DIAPH2: variants seen among roughly 807,000 people sequenced by gnomAD.
DIAPH2 encodes the protein protein diaphanous homolog 2.
In DIAPH2, 35 loss-of-function variants were observed where a neutral mutation model predicts 92.7. The ratio of observed to expected loss-of-function variants is 0.38; its 90% CI spans 0.29 to 0.50. The LOEUF (loss-of-function observed/expected upper bound fraction) is 0.50, where lower values mean the gene tolerates loss of function less well. Ranked by LOEUF, DIAPH2 falls within the 20% of genes least tolerant of loss-of-function variation. The pLI is 0.94. For synonymous variants in DIAPH2, 301 were observed against 280.4 expected, an observed-to-expected ratio of 1.07 and a Z score of -0.73; for missense variants, 701 against 819.5, an observed-to-expected ratio of 0.86 and a Z score of 1.77.
At chrX:96,770,954 T>C (rs750498081) in intron 4 of DIAPH2, among the ~76,000 whole-genome samples, 2 of 111,951 alleles carry the variant, frequency 1.8e-5, no homozygotes, top group East Asian at 5.6e-4. Context: ...TTATTTTGGA[T>C]AGGGGTATCT....
At chrX:97,252,716 G>GTGTTTTGTTTTGTTTTGTTTTGTTT (rs57036021) in intron 23 of DIAPH2, among the ~76,000 whole-genome samples, 40 of 104,294 alleles carry the variant, frequency 3.8e-4, no homozygotes, top group African/African-American at 1.3e-3. Flanking sequence ...CAAAGCTGTT[G>GTGTTTTGTTTTGTTTTGTTTTGTTT]TGTTTTGTTT....
intron 20 of DIAPH2, among the ~76,000 whole-genome samples, chrX:97,110,387 T>G (rs2066970938): frequency 9.0e-6 from 1 of 111,711 alleles, no homozygotes; most frequent in Non-Finnish European, 1.9e-5. Context: ...ACTCAACATG[T>G]CAATAAAGCA....
intron 18 of DIAPH2, among the ~76,000 whole-genome samples, 191 bp downstream of exon 18, chrX:97,073,233 A>G (rs1173358999): frequency 8.9e-6 from 1 of 111,975 alleles, no homozygotes; most frequent in Non-Finnish European, 1.9e-5. Flanking sequence ...TTCTAATTCA[A>G]CCTCTGTCAG....
intron 25 of DIAPH2, among the ~76,000 whole-genome samples, chrX:97,415,690 T>TG (rs1459759012): frequency 4.6e-5 from 1 of 21,541 alleles, no homozygotes; most frequent in Non-Finnish European, 8.3e-5. Context: ...ACATCACACA[T>TG]GGGGGCGTGT....
chrX:96,791,908 C>G (rs1438672758), intron 4 of DIAPH2, among the ~76,000 whole-genome samples: 2 of 110,878 alleles, frequency 1.8e-5, no homozygotes, highest in African/African-American at 6.6e-5. Flanking sequence ...CTAACTTACC[C>G]AGGGTTAGTT....
At chrX:97,101,717 A>C (rs1181680712) in intron 20 of DIAPH2, among the ~76,000 whole-genome samples, 7 of 112,330 alleles carry the variant, frequency 6.2e-5, no homozygotes, top group Non-Finnish European at 1.3e-4. Flanking sequence ...ATAGACAGTA[A>C]ATAAATGTTT....
intron 17 of DIAPH2, among the ~76,000 whole-genome samples, chrX:97,007,761 CTTTTTT>C (rs1202951643): frequency 6.2e-5 from 5 of 80,997 alleles, no homozygotes; most frequent in Non-Finnish European, 7.1e-5. Context: ...TTCTTTTTTT[CTTTTTT>C]TTTTTTTTTT....
chrX:97,222,104 C>T (rs961397531), intron 22 of DIAPH2, among the ~76,000 whole-genome samples: 8 of 111,190 alleles, frequency 7.2e-5, no homozygotes, highest in African/African-American at 2.6e-4. Context: ...TGAGATGCAT[C>T]TCTACCACAT....
chrX:96,751,647 G>GTTTTTTTTTTTTTT (rs1332024432), intron 3 of DIAPH2, among the ~76,000 whole-genome samples: 3 of 85,016 alleles, frequency 3.5e-5, no homozygotes, highest in Admixed American at 1.4e-4. Flanking sequence ...AGACTTCAGT[G>GTTTTTTTTTTTTTT]TTTTGTTTTT....
chrX:97,298,376 A>G (rs1439599009), intron 23 of DIAPH2, among the ~76,000 whole-genome samples: 4 of 107,739 alleles, frequency 3.7e-5, no homozygotes, highest in African/African-American at 1.4e-4. Context: ...ATGGAAGTGA[A>G]TCTACTCTAT....
At chrX:97,231,680 G>A (rs990960611) in intron 22 of DIAPH2, among the ~76,000 whole-genome samples, 1 of 110,885 alleles carries the variant, frequency 9.0e-6, no homozygotes, top group African/African-American at 3.3e-5. Flanking sequence ...CATGATGTTT[G>A]TGTGCACATC....
At chrX:97,004,663 A>G (rs988933190) in intron 17 of DIAPH2, among the ~76,000 whole-genome samples, 2 of 112,021 alleles carry the variant, frequency 1.8e-5, no homozygotes, top group African/African-American at 6.5e-5. Context: ...TGTGTCCTGC[A>G]ACTTTACTGA....
chrX:97,032,388 A>C (rs1234639491), intron 17 of DIAPH2, among the ~76,000 whole-genome samples: 2 of 111,478 alleles, frequency 1.8e-5, no homozygotes, highest in East Asian at 5.6e-4. Flanking sequence ...GATAAGGGCT[A>C]TTATTTTACA....
intron 26 of DIAPH2, among the ~76,000 whole-genome samples, chrX:97,476,966 A>ATATAT (rs1429567227): frequency 1.6e-3 from 56 of 34,404 alleles, no homozygotes; most frequent in Non-Finnish European, 2.5e-3. Context: ...AAAAAAAAAA[A>ATATAT]AAATATATAT....
intron 3 of DIAPH2, 49 bp from the exon 4 acceptor site, chrX:96,758,105 T>C (rs754218160): frequency 2.4e-5 from 25 of 1,042,327 alleles, no homozygotes; most frequent in Non-Finnish European, 3.2e-5. Flanking sequence ...CTTTTGAAGC[T>C]CTTAAGTGGA....
At position 97,182,529 on chromosome X, in the gene DIAPH2, A is replaced by C. The variant is rs535292814; in HGVS notation, c.2719+40735A>C. 7.9e-4 allele frequency among the ~76,000 whole-genome samples: 88 copies of C among 111,612 alleles called. 1 individual carries two copies. The highest frequency in any genetic ancestry group is 2.8e-3 in the African/African-American group (85 of 30,723). Reference sequence around the variant, plus strand: ...ATATGAATAAAATGGATAGAGTAAAAATTGAAGGTGGACCCCACTTATTAT... The same window carrying C: ...ATATGAATAAAATGGATAGAGTAAACATTGAAGGTGGACCCCACTTATTAT... On this transcript the variant is annotated intron_variant, in intron 22 of 26. Coordinates refer to ENST00000324765, the MANE Select transcript of DIAPH2 (RefSeq NM_006729.5).
intron 17 of DIAPH2, among the ~76,000 whole-genome samples, chrX:97,067,707 T>C (rs2066643120): frequency 8.9e-6 from 1 of 112,122 alleles, no homozygotes; most frequent in Non-Finnish European, 1.9e-5. Flanking sequence ...TTATACTGCA[T>C]GTACCATTTT....
intron 26 of DIAPH2, among the ~76,000 whole-genome samples, chrX:97,548,791 A>G (rs2147861731): frequency 8.9e-6 from 1 of 112,599 alleles, no homozygotes; most frequent in African/African-American, 3.2e-5. Flanking sequence ...TAATTGACCA[A>G]TATTACTTTA....
At chrX:97,300,931 T>A (rs1173757734) in intron 23 of DIAPH2, among the ~76,000 whole-genome samples, 71 of 10,782 alleles carry the variant, frequency 6.6e-3, no homozygotes, top group South Asian at 0.02. Context: ...GACTCCGTCT[T>A]AAAAAAAAAA....
Sources: gnomAD v4.1 joint callset for allele counts (sites outside exome capture counted in the v4.1 genomes callset) on GRCh38, gnomAD v4.1.1 for gene constraint, MANE v1.5 for transcripts, NCBI Gene and HGNC (gene_info 2026-07-23, HGNC 2026-07-21) for gene names.